Variants in RNF150 observed in about 807,000 individuals in gnomAD.
RNF150 encodes ring finger protein 150.
In RNF150, 24 loss-of-function variants were observed where a neutral mutation model predicts 39.3. The ratio of observed to expected loss-of-function variants is 0.61; its 90% CI spans 0.44 to 0.86. The LOEUF is 0.86. RNF150 is among the 40% of genes least tolerant of loss of function. RNF150 has a pLI of 0.00. For synonymous variants in RNF150, 255 were observed against 227.3 expected (o/e 1.12, Z -1.10); for missense variants, 502 against 587.8 (o/e 0.85, Z 1.51).
Position 140,967,734 on chromosome 4 carries a change from C to T in RNF150, c.624G>A (p.Ser208=), listed in dbSNP as rs113832829. The change falls in exon 2 of 7, where the codon TCG becomes TCA. Residue 208 remains serine (S), a synonymous_variant. Coordinates refer to ENST00000515673, the MANE Select transcript of RNF150 (RefSeq NM_020724.2). ...TGAAGGAGATGGAGACAAACACAAC[C>T]GAAGTGCGGCTCACATATTTCTGCA... ...RNLQKYVSRT[S]VVFVSISFIV... The T allele has an allele frequency of 1.4e-4, 230 of 1,613,498 alleles. 1 individual carries two copies. In the African/African-American group the frequency reaches 2.4e-3, roughly 17 times the overall value.
intron 1 of RNF150, among the ~76,000 whole-genome samples, chr4:140,999,950 AGAAGAAGAAGAAGAAGAAG>A (rs1734531211): frequency 2.6e-5 from 1 of 38,396 alleles, no homozygotes; most frequent in Non-Finnish European, 7.2e-5. Flanking sequence ...AAAAAGAAGA[AGAAGAAGAAGAAGAAGAAG>A]AAGAAGAAAA....
At chr4:141,137,587 TG>T (rs1727047613), upstream of RNF150, among the ~76,000 whole-genome samples, 1 of 152,040 alleles carries the variant, frequency 6.6e-6, no homozygotes, top group African/African-American at 2.4e-5. Flanking sequence ...AGAAGTTGAT[TG>T]GGGAAAGAAT....
chr4:140,913,896 T>C (rs1199644289), intron 5 of RNF150, among the ~76,000 whole-genome samples: 1 of 152,174 alleles, frequency 6.6e-6, no homozygotes, highest in Non-Finnish European at 1.5e-5. Flanking sequence ...AACTGTAAAG[T>C]TCTATTTAAA....
At chr4:141,137,415 G>T (rs530518882), upstream of RNF150, among the ~76,000 whole-genome samples, 96 of 152,312 alleles carry the variant, frequency 6.3e-4, 2 homozygotes, top group South Asian at 0.018. Context: ...GAAGTGATTC[G>T]ATCCTCAATA....
At position 140,868,202 on chromosome 4, in the gene RNF150, G is replaced by C; in HGVS notation, c.*59C>G. On this transcript the variant is annotated 3_prime_UTR_variant, in exon 7 of 7. Coordinates refer to ENST00000515673, the MANE Select transcript of RNF150 (RefSeq NM_020724.2). Reference sequence around the variant, plus strand: ...GTGTGTGCCTGGTCCAAGTCTTGGAGCACTCTTCCCTTCCTTTCCCTTGGG... The same window carrying C: ...GTGTGTGCCTGGTCCAAGTCTTGGACCACTCTTCCCTTCCTTTCCCTTGGG... 1.0e-6 allele frequency: 1 copy of C among 979,940 alleles called. No individual in the cohort carries two copies. The highest frequency in any genetic ancestry group is 1.7e-6 in the Non-Finnish European group (1 of 604,782). 60.7% of individuals were successfully genotyped at this position (979,940 alleles called of 1,614,324 possible).
chr4:141,195,945 G>A (rs1728194245), intron 1 of RNF150, among the ~76,000 whole-genome samples: 1 of 152,176 alleles, frequency 6.6e-6, no homozygotes. Flanking sequence ...ACAGCAGAAA[G>A]GGGGCATGTG....
At chr4:141,092,424 T>TA (rs978001314) in intron 1 of RNF150, among the ~76,000 whole-genome samples, 1 of 152,186 alleles carries the variant, frequency 6.6e-6, no homozygotes, top group African/African-American at 2.4e-5. Flanking sequence ...AGCAATATCT[T>TA]AAAAAAATTT....
At chr4:140,940,811 T>C (rs570022914) in intron 4 of RNF150, among the ~76,000 whole-genome samples, 23 of 152,228 alleles carry the variant, frequency 1.5e-4, no homozygotes, top group Non-Finnish European at 2.8e-4. Flanking sequence ...TATAGCTAGC[T>C]GGCAATCCAC....
At chr4:141,024,530 C>T (rs1735618620) in intron 1 of RNF150, among the ~76,000 whole-genome samples, 1 of 152,096 alleles carries the variant, frequency 6.6e-6, no homozygotes, top group African/African-American at 2.4e-5. Context: ...AAACACAAAA[C>T]ATGAACTCAT....
chr4:141,210,478 A>G (rs1243289814), intron 1 of RNF150, among the ~76,000 whole-genome samples: 1 of 129,534 alleles, frequency 7.7e-6, no homozygotes, highest in Non-Finnish European at 1.6e-5. Flanking sequence ...TGCTGGTTGC[A>G]GTTTCAGCTT....
intron 1 of RNF150, among the ~76,000 whole-genome samples, chr4:141,140,322 T>G (rs571499724): frequency 2.6e-5 from 4 of 152,362 alleles, no homozygotes; most frequent in South Asian, 4.1e-4. Flanking sequence ...TATTTCAGTC[T>G]TTGATACAAT....
chr4:140,991,875 T>C (rs1450031185), intron 1 of RNF150, among the ~76,000 whole-genome samples: 1 of 152,208 alleles, frequency 6.6e-6, no homozygotes, highest in Non-Finnish European at 1.5e-5. Context: ...ACTGGAATCA[T>C]GTTAATACTC....
chr4:141,168,996 T>C lies in RNF150; in HGVS notation c.-6+43798A>G, dbSNP rs997175446. Among the ~76,000 whole-genome samples, 4 of 152,274 alleles carry C rather than the reference T, an allele frequency of 2.6e-5. No homozygotes were observed. In the South Asian group the frequency reaches 8.3e-4, roughly 32 times the overall value. On this transcript the variant is annotated intron_variant, in intron 1 of 7. Coordinates refer to the RNF150 transcript ENST00000420921. ...CTATTGAGAAGGCATGATTGTATTT[T>C]GCAATGTGAGAAGGACATGAAATTT...
intron 6 of RNF150, among the ~76,000 whole-genome samples, chr4:140,906,396 G>T (rs189057805): frequency 6.6e-6 from 1 of 152,182 alleles, no homozygotes; most frequent in Admixed American, 6.5e-5. Flanking sequence ...TTAGGTATAA[G>T]TATCTAGAGG....
chr4:141,191,033 G>T lies in RNF150; in HGVS notation c.-6+21761C>A, dbSNP rs74624505. Among the ~76,000 whole-genome samples the T allele has an allele frequency of 1.5e-3, 222 of 152,300 alleles. 1 individual carries two copies. The highest frequency in any genetic ancestry group is 5.0e-3 in the African/African-American group (206 of 41,552). The stretch of plus-strand genomic sequence containing the variant: ...GTACCTTCCCCACTCCACTTCACAA[G>T]TTAGCATGGTAAGGACTTAAGCCTT... On this transcript the variant is annotated intron_variant, in intron 1 of 7. Coordinates refer to the RNF150 transcript ENST00000420921.
intron 1 of RNF150, among the ~76,000 whole-genome samples, chr4:141,108,181 G>A (rs926609625): frequency 6.6e-6 from 1 of 152,158 alleles, no homozygotes; most frequent in Non-Finnish European, 1.5e-5. Context: ...AGACTTAGAG[G>A]AGCACATTTC....
rs1233011213 is a variant in RNF150, at chr4:140,860,011, C to A, written c.*8250G>T. 1 of 152,076 alleles carries A rather than the reference C, an allele frequency of 6.6e-6. No individual in the cohort carries two copies. The highest frequency in any genetic ancestry group is 2.4e-5 in the African/African-American group (1 of 41,414). 9.4% of individuals were successfully genotyped at this position (152,076 alleles called of 1,614,324 possible). A position where few individuals can be genotyped will look rare whatever the true frequency, so the allele number is the denominator to read the frequency against. The stretch of plus-strand genomic sequence containing the variant: ...GTAATGACTGTTTCCAACTATCACC[C>A]TTGTTTCATCACTAGCCCATTATGA... On this transcript the variant is annotated 3_prime_UTR_variant, in exon 7 of 7. Coordinates refer to ENST00000515673, the MANE Select transcript of RNF150 (RefSeq NM_020724.2).
At chr4:140,971,576 G>A (rs1350175891) in intron 1 of RNF150, among the ~76,000 whole-genome samples, 1 of 152,088 alleles carries the variant, frequency 6.6e-6, no homozygotes, top group Non-Finnish European at 1.5e-5. Context: ...GTGTGCTCTG[G>A]AAAAGCTCTA....
intron 1 of RNF150, among the ~76,000 whole-genome samples, chr4:141,000,112 G>GGAA (rs749371457): frequency 1.7e-4 from 19 of 114,504 alleles, no homozygotes; most frequent in East Asian, 4.5e-4. Flanking sequence ...AAGAAGAGGA[G>GGAA]GAAGAAGAAG....
Sources: allele counts gnomAD v4.1 joint callset (sites outside exome capture counted in the v4.1 genomes callset), GRCh38; gene constraint gnomAD v4.1.1; transcripts MANE v1.5; gene names NCBI Gene and HGNC (gene_info 2026-07-23, HGNC 2026-07-21).